Variants in KIF11 observed in about 807,000 individuals in gnomAD.
The protein encoded by KIF11 is kinesin family member 11.
A neutral mutation model predicts 121.0 loss-of-function variants in KIF11; 9 were observed. The ratio of observed to expected loss-of-function variants is 0.07; its 90% confidence interval spans 0.04 to 0.13. The LOEUF is 0.13. Among genes scored for constraint, KIF11 ranks in the 10% least tolerant of loss-of-function variants. KIF11 has a pLI of 1.00. For synonymous variants in KIF11, 408 were observed against 421.0 expected (o/e 0.97, Z 0.38); for missense variants, 846 against 1,217.5 (o/e 0.69, Z 4.54).
At chr10:92,627,411 T>TGACTTC (rs1269368658) in intron 10 of KIF11, among the ~76,000 whole-genome samples, 1 of 152,216 alleles carries the variant, frequency 6.6e-6, no homozygotes, top group Non-Finnish European at 1.5e-5. Context: ...CTTTTGACTT[T>TGACTTC]GACTTCATCT....
chr10:92,616,085 C>G (rs1421482874), intron 8 of KIF11, among the ~76,000 whole-genome samples: 3 of 152,022 alleles, frequency 2.0e-5, no homozygotes, highest in African/African-American at 7.2e-5. Flanking sequence ...GATTCACCCG[C>G]CCCGGCCTTC....
chr10:92,647,765 T>C (rs1203741820), intron 18 of KIF11, among the ~76,000 whole-genome samples: 2 of 152,248 alleles, frequency 1.3e-5, no homozygotes, highest in East Asian at 1.9e-4. Context: ...AGCTGGGTAA[T>C]GAATACAAGG....
intron 16 of KIF11, among the ~76,000 whole-genome samples, chr10:92,637,903 G>A (rs1035030157): frequency 1.3e-5 from 2 of 152,098 alleles, no homozygotes; most frequent in African/African-American, 4.8e-5. Flanking sequence ...TTTCTAGGAT[G>A]GCATGGATAG....
At chr10:92,627,532 C>A (rs984085825) in intron 10 of KIF11, among the ~76,000 whole-genome samples, 2 of 152,228 alleles carry the variant, frequency 1.3e-5, no homozygotes, top group Non-Finnish European at 2.9e-5. Flanking sequence ...AGATCTATTC[C>A]TTATCTCAGA....
chr10:92,620,548 C>T (rs1438817644), intron 9 of KIF11, among the ~76,000 whole-genome samples: 1 of 152,192 alleles, frequency 6.6e-6, no homozygotes, highest in Non-Finnish European at 1.5e-5. Flanking sequence ...CACCGATGCT[C>T]AGATTGGCTC....
intron 14 of KIF11, among the ~76,000 whole-genome samples, chr10:92,635,570 G>A (rs940923446): frequency 6.6e-6 from 1 of 152,092 alleles, no homozygotes; most frequent in Non-Finnish European, 1.5e-5. Flanking sequence ...GGTACCCCAA[G>A]ACAATTACAA....
chr10:92,651,403 T>C (rs1844977970), intron 21 of KIF11, among the ~76,000 whole-genome samples: 1 of 144,054 alleles, frequency 6.9e-6, no homozygotes, highest in Non-Finnish European at 1.5e-5. Context: ...TGGCACGATC[T>C]TGGCTCACCG....
rs143962705 is a variant in KIF11, at chr10:92,605,241, T to C, written c.78-1024T>C. 4.6e-5 allele frequency among the ~76,000 whole-genome samples: 7 copies of C among 152,256 alleles called. No homozygotes were observed. The East Asian group carries it at 1.4e-3, about 29-fold the overall frequency. On this transcript the variant is annotated intron_variant, in intron 1 of 21. Coordinates refer to ENST00000260731, the MANE Select transcript of KIF11 (RefSeq NM_004523.4). Reference sequence around the variant, plus strand: ...GGCAGTGTAGACCTTCTGTGTCTATTCACTCATTTAAAAATGGGGCTAATA... The same window carrying C: ...GGCAGTGTAGACCTTCTGTGTCTATCCACTCATTTAAAAATGGGGCTAATA...
intron 11 of KIF11, 100 bp from the exon 12 acceptor site, chr10:92,630,076 C>T: frequency 1.6e-6 from 1 of 635,276 alleles, no homozygotes; most frequent in Non-Finnish European, 2.6e-6. Context: ...TAACTTCTTA[C>T]AACTTTTGCA....
rs1318412677 is a variant in KIF11 at position 92,650,508 on chromosome 10, A to C, written c.3030A>C (p.Pro1010=). ...GVDCSSIGGV[P]FFQHKKSHGK... is the part of the protein sequence containing the mutation. The stretch of plus-strand genomic sequence containing the variant: ...ATTGTTCATCAATTGGCGGGGTTCC[A>C]TTTTTCCAGGTATGTCATATCAGAT... Residue 1010 remains proline (P), a synonymous_variant, in exon 21 of 22, where the codon CCA becomes CCC. Transcript: ENST00000260731. 6.3e-7 allele frequency: 1 copy of C among 1,591,184 alleles called. No individual in the cohort carries two copies. The highest frequency in any genetic ancestry group is 1.3e-5 in the African/African-American group (1 of 74,470).
In KIF11 at chr10:92,616,838, T is replaced by C; in HGVS notation, c.1128+6T>C. ...CCAAAAAAGCTCTTATTAAGGTAAC[T>C]GTGAATTTTTGTAGAGTAATGTAAT... On this transcript the variant is annotated splice_donor_region_variant and intron_variant, in intron 9 of 21. Coordinates refer to ENST00000260731, the MANE Select transcript of KIF11 (RefSeq NM_004523.4). The C allele has an allele frequency of 6.9e-7, 1 of 1,443,798 alleles. No individual in the cohort carries two copies. Among genetic ancestry groups the C allele is most frequent in the Non-Finnish European group, 9.6e-7 (1 of 1,038,812 alleles). The allele number at this position is 1,443,798 out of a possible 1,614,324, so 89.4% of individuals were successfully genotyped here. A position where few individuals can be genotyped will look rare whatever the true frequency, so the allele number is the denominator to read the frequency against.
intron 2 of KIF11, 67 bp from the exon 3 acceptor site, chr10:92,606,552 G>A (rs1338664157): frequency 1.0e-5 from 13 of 1,251,342 alleles, no homozygotes; most frequent in East Asian, 2.4e-5. Flanking sequence ...GTTAACATAC[G>A]AAAAACAAAA....
intron 1 of KIF11, among the ~76,000 whole-genome samples, chr10:92,605,738 G>A (rs1431869215): frequency 2.0e-5 from 3 of 152,050 alleles, no homozygotes; most frequent in African/African-American, 4.8e-5. Flanking sequence ...CGCCTGCCTC[G>A]GCCTCCCAAA....
intron 10 of KIF11, among the ~76,000 whole-genome samples, chr10:92,627,362 G>A (rs571183555): frequency 3.3e-5 from 5 of 152,234 alleles, no homozygotes; most frequent in East Asian, 1.9e-4. Context: ...TGAGCTTTGC[G>A]CTTGAGAAAA....
chr10:92,616,867 G>C (rs184445651), intron 9 of KIF11, 35 bp downstream of exon 9: 2 of 1,077,492 alleles, frequency 1.9e-6, no homozygotes, highest in Non-Finnish European at 2.6e-6. Context: ...ATGTAATCTT[G>C]TTTGACAAAT....
intron 20 of KIF11, among the ~76,000 whole-genome samples, 161 bp from the exon 21 acceptor site, chr10:92,650,240 T>C (rs527895217): frequency 6.6e-6 from 1 of 152,334 alleles, no homozygotes; most frequent in South Asian, 2.1e-4. Flanking sequence ...TAAAAATATA[T>C]TAGGAATTAT....
intron 15 of KIF11, 25 bp downstream of exon 15, chr10:92,637,334 T>G (rs375750564): frequency 2.1e-5 from 34 of 1,583,362 alleles, no homozygotes; most frequent in South Asian, 4.7e-5. Context: ...GTTCTTAATA[T>G]CTCAAAATTG....
At chr10:92,630,389 C>T (rs1844724202) in intron 12 of KIF11, 25 bp downstream of exon 12, 12 of 1,464,110 alleles carry the variant, frequency 8.2e-6, no homozygotes, top group Non-Finnish European at 1.1e-5. Flanking sequence ...TTGATTTGTA[C>T]TCATATTAAG....
At chr10:92,640,397 A>T (rs1455001635) in intron 17 of KIF11, among the ~76,000 whole-genome samples, 1 of 152,126 alleles carries the variant, frequency 6.6e-6, no homozygotes, top group Non-Finnish European at 1.5e-5. Flanking sequence ...TTCAAGAAAA[A>T]GTTTGCTGAT....
Sources: gnomAD v4.1 joint callset for allele counts (sites outside exome capture counted in the v4.1 genomes callset) on GRCh38, gnomAD v4.1.1 for gene constraint, MANE v1.5 for transcripts, NCBI Gene and HGNC (gene_info 2026-07-23, HGNC 2026-07-21) for gene names.